The following SYT4 variants were observed in gnomAD, a reference collection of about 807,000 sequenced individuals.
SYT4 encodes synaptotagmin 4, also known as synaptotagmin-4.
SYT4 carries 7 observed loss-of-function variants against 32.9 expected under a neutral mutation model. The observed-to-expected ratio is 0.21, with a 90% confidence interval of 0.12 to 0.40. SYT4 has a LOEUF of 0.40. Ranked by LOEUF, SYT4 falls within the 10% of genes least tolerant of loss-of-function variation. SYT4 has a pLI of 1.00. For synonymous variants in SYT4, 205 were observed against 186.2 expected (o/e 1.10, Z -0.82); for missense variants, 480 against 488.0 (o/e 0.98, Z 0.16).
chr18:43,271,616 A>C, intron 3 of SYT4, 96 bp downstream of exon 3: 1 of 1,488,352 alleles, frequency 6.7e-7, no homozygotes, highest in Non-Finnish European at 9.1e-7. Context: ...ATAAGGTATT[A>C]GAGAAAAGAT....
intron 2 of SYT4, 32 bp from the exon 3 acceptor site, chr18:43,271,864 C>T: frequency 1.9e-6 from 3 of 1,597,848 alleles, no homozygotes; most frequent in Non-Finnish European, 2.6e-6. Context: ...ATAAGTATTT[C>T]TATCTTTTTA....
In SYT4 at chr18:43,271,803, G is replaced by T. The variant is rs752442039; in HGVS notation, c.879C>A (p.Ile293=). Residue 293 remains isoleucine, a synonymous_variant, in exon 3 of 4, where the codon ATC becomes ATA. Coordinates refer to ENST00000255224, the MANE Select transcript of SYT4 (RefSeq NM_020783.4). ...RKSSGRGELL[I]SLCYQSTTNT... is the part of the protein sequence containing the mutation. Reference sequence around the variant, plus strand: ...TTGTGGTGGACTGATAGCAGAGAGAGATCAGTAACTCACCCCGTCCTGAAG... The same window carrying T: ...TTGTGGTGGACTGATAGCAGAGAGATATCAGTAACTCACCCCGTCCTGAAG... 6.2e-7 allele frequency: 1 copy of T among 1,612,992 alleles called. No homozygotes were observed. The highest frequency in any genetic ancestry group is 8.5e-7 in the Non-Finnish European group (1 of 1,179,164).
Position 43,274,105 on chromosome 18 carries a change from G to T in SYT4, c.324C>A (p.Thr108=), listed in dbSNP as rs1598664819. 4 of 1,614,056 alleles carry T rather than the reference G, an allele frequency of 2.5e-6. No homozygotes were observed. In the East Asian group the frequency reaches 8.9e-5, roughly 36 times the overall value. ...CAGAAGGACTGCCAGGTTTGAGGTT[G>T]GTTTTGGGAAAATTGCCATTGAGAT... ...KRDLNGNFPK[T]NLKPGSPSDL... Residue 108 remains threonine (T), a synonymous_variant, in exon 2 of 4, where the codon ACC becomes ACA. Transcript: ENST00000255224.
Position 43,273,969 on chromosome 18 carries a change from G to C in SYT4, c.460C>G (p.Leu154Val). The change falls in exon 2 of 4, where the codon CTG becomes GTG. Residue 154 changes from leucine to valine, a missense_variant. Transcript: ENST00000255224. Reference protein sequence around the residue: ...SLTSEEKQEKLGTLFFSLEYN... With the variant: ...SLTSEEKQEKVGTLFFSLEYN... ...TCTAAGGAGAAGAAGAGAGTTCCCA[G>C]CTTCTCTTGTTTCTCTTCTGAAGTA... is the stretch of plus-strand genomic sequence containing the variant. 1 of 1,613,930 alleles carries C rather than the reference G, an allele frequency of 6.2e-7. No homozygotes were observed. Among genetic ancestry groups the C allele is most frequent in the Non-Finnish European group, 8.5e-7 (1 of 1,179,922 alleles).
At chr18:43,273,411 T>C (rs1908690321) in intron 2 of SYT4, among the ~76,000 whole-genome samples, 169 bp downstream of exon 2, 1 of 152,120 alleles carries the variant, frequency 6.6e-6, no homozygotes, top group South Asian at 2.1e-4. Flanking sequence ...GGATTAAATT[T>C]TATTTCATCT....
At position 43,274,076 on chromosome 18, in the gene SYT4, A is replaced by G; in HGVS notation, c.353T>C (p.Leu118Pro). 1 of 1,614,102 alleles carries G rather than the reference A, an allele frequency of 6.2e-7. No individual in the cohort carries two copies. Among genetic ancestry groups the G allele is most frequent in the East Asian group, 2.2e-5 (1 of 44,866 alleles). Residue 118 changes from leucine (L) to proline (P), a missense_variant, in exon 2 of 4, where the codon CTG becomes CCG. Transcript: ENST00000255224. ...AAAGAGCTTCGGGGTTGCATTCTCCAGATCAGAAGGACTGCCAGGTTTGAG... is the reference window on the plus strand; with the variant it reads ...AAAGAGCTTCGGGGTTGCATTCTCCGGATCAGAAGGACTGCCAGGTTTGAG... ...TNLKPGSPSDLENATPKLFLE... is the reference protein window; with the variant it reads ...TNLKPGSPSDPENATPKLFLE...
At chr18:43,272,037 G>A (rs1043866255) in intron 2 of SYT4, 13 of 396,410 alleles carry the variant, frequency 3.3e-5, no homozygotes, top group Non-Finnish European at 4.3e-5. Context: ...TTGTGGTCTT[G>A]TTTGGTACTA....
intron 3 of SYT4, 90 bp from the exon 4 acceptor site, chr18:43,270,738 C>A (rs919863918): frequency 2.2e-6 from 3 of 1,354,774 alleles, no homozygotes; most frequent in Non-Finnish European, 3.1e-6. Context: ...TCATGGCATG[C>A]CAATGACATG....
chr18:43,273,050 C>T (rs549825106), intron 2 of SYT4, among the ~76,000 whole-genome samples: 24 of 151,956 alleles, frequency 1.6e-4, no homozygotes, highest in Non-Finnish European at 2.9e-4. Flanking sequence ...ACAAAAATAG[C>T]GGGACTCATT....
Position 43,270,665 on chromosome 18 carries a change from C to A in SYT4, c.971-17G>T, listed in dbSNP as rs758479514. Reference sequence around the variant, plus strand: ...CATAGGGATCTGCAGTGGAACATAACAGGCATTACAATGGCATAACTGGGC... The same window carrying A: ...CATAGGGATCTGCAGTGGAACATAAAAGGCATTACAATGGCATAACTGGGC... On this transcript the variant is annotated splice_polypyrimidine_tract_variant and intron_variant, in intron 3 of 3. Coordinates refer to ENST00000255224, the MANE Select transcript of SYT4 (RefSeq NM_020783.4). 1.6e-5 allele frequency: 25 copies of A among 1,610,078 alleles called. No homozygotes were observed. Among genetic ancestry groups the A allele is most frequent in the African/African-American group, 5.4e-5 (4 of 74,698 alleles).
chr18:43,277,424 G>A lies in SYT4; in HGVS notation c.-143C>T. On this transcript the variant is annotated 5_prime_UTR_variant, in exon 1 of 4. Transcript: ENST00000255224. Reference sequence around the variant, plus strand: ...CACCAGCTCCTGGAACAGGGAGGAGGCAAAGAGGGAGGTCCACTCGCCCTC... The same window carrying A: ...CACCAGCTCCTGGAACAGGGAGGAGACAAAGAGGGAGGTCCACTCGCCCTC... 3 of 903,180 alleles carry A rather than the reference G, an allele frequency of 3.3e-6. No homozygotes were observed. Among genetic ancestry groups the A allele is most frequent in the South Asian group, 3.1e-5 (2 of 65,264 alleles). 55.9% of individuals were successfully genotyped at this position (903,180 alleles called of 1,614,324 possible). A position where few individuals can be genotyped will look rare whatever the true frequency, so the allele number is the denominator to read the frequency against.
chr18:43,272,257 A>C (rs1908654701), intron 2 of SYT4: 1 of 152,314 alleles, frequency 6.6e-6, no homozygotes, highest in African/African-American at 2.4e-5. Context: ...CATGCAAAAA[A>C]TTAGATAAGT....
chr18:43,274,412 CA>C lies in SYT4; in HGVS notation c.35-19del. The C allele has an allele frequency of 6.5e-7, 1 of 1,547,736 alleles. No homozygotes were observed. The highest frequency in any genetic ancestry group is 8.7e-7 in the Non-Finnish European group (1 of 1,154,278). On this transcript the variant is annotated intron_variant, in intron 1 of 3. Coordinates refer to ENST00000255224, the MANE Select transcript of SYT4 (RefSeq NM_020783.4). ...GATTTCATCTGAAAAATCAAATGAC[CA>C]ATAATATACATTAAAGAAGCAGAGC...
intron 1 of SYT4, among the ~76,000 whole-genome samples, chr18:43,276,234 C>T (rs1428298342): frequency 6.6e-6 from 1 of 152,074 alleles, no homozygotes; most frequent in Non-Finnish European, 1.5e-5. Context: ...TGTCAAATGG[C>T]AAACATTTTC....
At chr18:43,275,522 A>C (rs768506142) in intron 1 of SYT4, among the ~76,000 whole-genome samples, 27 of 152,162 alleles carry the variant, frequency 1.8e-4, no homozygotes, top group Non-Finnish European at 3.7e-4. Context: ...TAAATAATAA[A>C]GTTATAAGTT....
At position 43,277,343 on chromosome 18, in the gene SYT4, C is replaced by CT. The variant is rs1908828694; in HGVS notation, c.-63dup. ...AAACTGCCTGGCTGGATTCACTTGC[C>CT]TGGATCTCAAGCGCCGGCTTTCGGA... On this transcript the variant is annotated 5_prime_UTR_variant, in exon 1 of 4. Coordinates refer to ENST00000255224, the MANE Select transcript of SYT4 (RefSeq NM_020783.4). 6.2e-7 allele frequency: 1 copy of CT among 1,606,952 alleles called. No homozygotes were observed. The highest frequency in any genetic ancestry group is 1.7e-5 in the Admixed American group (1 of 59,888).
rs1410543827 is a variant in SYT4, at chr18:43,269,826, T to C, written c.*515A>G. The C allele has an allele frequency of 6.5e-6, 1 of 154,768 alleles. No homozygotes were observed. Among genetic ancestry groups the C allele is most frequent in the Non-Finnish European group, 1.4e-5 (1 of 69,446 alleles). 9.6% of individuals were successfully genotyped at this position (154,768 alleles called of 1,614,324 possible). On this transcript the variant is annotated 3_prime_UTR_variant, in exon 4 of 4. Transcript: ENST00000255224. ...TACAAACCAAACTGAAATGACCAGA[T>C]ACTTTTATATGCAGGACAACCATTT...
intron 1 of SYT4, 111 bp from the exon 2 acceptor site, chr18:43,274,505 T>C: frequency 1.2e-6 from 1 of 837,716 alleles, no homozygotes; most frequent in Non-Finnish European, 1.8e-6. Flanking sequence ...TAGATTGAAT[T>C]ACTTTCCAAC....
Position 43,269,787 on chromosome 18 carries a change from T to C in SYT4, c.*554A>G, listed in dbSNP as rs1183199031. 6.5e-6 allele frequency: 1 copy of C among 153,904 alleles called. No homozygotes were observed. The highest frequency in any genetic ancestry group is 2.4e-5 in the African/African-American group (1 of 41,450). The allele number at this position is 153,904 out of a possible 1,614,324, so 9.5% of individuals were successfully genotyped here. On this transcript the variant is annotated 3_prime_UTR_variant, in exon 4 of 4. Coordinates refer to ENST00000255224, the MANE Select transcript of SYT4 (RefSeq NM_020783.4). ...AATCTGAGTTACTCTTATGATAAAA[T>C]TGCATCAAATAATTACAAACCAAAC...
Sources: allele counts gnomAD v4.1 joint callset (sites outside exome capture counted in the v4.1 genomes callset), GRCh38; gene constraint gnomAD v4.1.1; transcripts MANE v1.5; gene names NCBI Gene and HGNC (gene_info 2026-07-23, HGNC 2026-07-21).